The following SLC5A12 variants were observed in gnomAD, a reference collection of about 807,000 sequenced individuals.
SLC5A12 encodes sodium-coupled monocarboxylate transporter 2.
In SLC5A12, 46 loss-of-function variants were observed where a neutral mutation model predicts 72.7. The observed-to-expected ratio is 0.63, with a 90% CI of 0.50 to 0.81. The LOEUF (loss-of-function observed/expected upper bound fraction) is 0.81, where lower values mean the gene tolerates loss of function less well. Among genes scored for constraint, SLC5A12 ranks in the 30% least tolerant of loss-of-function variants. The pLI is 0.00. For missense variants in SLC5A12, 683 were observed against 740.7 expected (o/e 0.92, Z 0.90); for synonymous variants, 275 against 264.4 (o/e 1.04, Z -0.39).
chr11:26,699,808 T>A (rs975553323), intron 6 of SLC5A12, among the ~76,000 whole-genome samples: 3 of 152,218 alleles, frequency 2.0e-5, no homozygotes, highest in African/African-American at 7.2e-5. Flanking sequence ...CACTATAGTA[T>A]TTATGATCTG....
intron 14 of SLC5A12, among the ~76,000 whole-genome samples, chr11:26,672,062 A>T (rs4418759): frequency 0.28 from 43,095 of 151,946 alleles, 6,299 homozygotes; most frequent in East Asian, 0.46. Context: ...AATTCTCACA[A>T]CACAGTTTTG....
chr11:26,683,593 G>A (rs936327539), intron 11 of SLC5A12, among the ~76,000 whole-genome samples, 164 bp downstream of exon 11: 1 of 152,156 alleles, frequency 6.6e-6, no homozygotes, highest in Non-Finnish European at 1.5e-5. Context: ...CCAGAAAGAT[G>A]TCACTGAAGT....
At chr11:26,703,379 A>T (rs1421076457) in intron 6 of SLC5A12, 152 bp downstream of exon 6, 1 of 827,086 alleles carries the variant, frequency 1.2e-6, no homozygotes, top group Non-Finnish European at 1.8e-6. Context: ...CAAAAAGTTG[A>T]AAGAGTTAAG....
chr11:26,702,261 G>C (rs553608096), intron 6 of SLC5A12, among the ~76,000 whole-genome samples: 2 of 152,212 alleles, frequency 1.3e-5, no homozygotes, highest in African/African-American at 4.8e-5. Context: ...TTGATGGAAC[G>C]CCAGATAATG....
At chr11:26,673,308 C>G (rs911282033) in intron 14 of SLC5A12, 94 bp downstream of exon 14, 1 of 1,304,128 alleles carries the variant, frequency 7.7e-7, no homozygotes, top group South Asian at 2.2e-5. Flanking sequence ...ACTGCTTTCC[C>G]TTTCCAGTGC....
chr11:26,679,569 G>T (rs780768439), intron 12 of SLC5A12, among the ~76,000 whole-genome samples: 46 of 152,090 alleles, frequency 3.0e-4, no homozygotes, highest in Non-Finnish European at 4.9e-4. Context: ...GGAGACACTA[G>T]TATGGCTCTT....
At chr11:26,703,436 A>ACACT in intron 6 of SLC5A12, 95 bp downstream of exon 6, 1 of 1,329,968 alleles carries the variant, frequency 7.5e-7, no homozygotes. Context: ...ACACACACAC[A>ACACT]CACACACACA....
chr11:26,694,586 T>C (rs774654180), intron 8 of SLC5A12, among the ~76,000 whole-genome samples: 1 of 152,068 alleles, frequency 6.6e-6, no homozygotes, highest in Non-Finnish European at 1.5e-5. Context: ...TGATGCAAAA[T>C]TCTAAAAACA....
intron 3 of SLC5A12, among the ~76,000 whole-genome samples, chr11:26,709,854 A>C (rs1452394630): frequency 1.3e-5 from 2 of 151,928 alleles, no homozygotes; most frequent in Non-Finnish European, 2.9e-5. Flanking sequence ...AGAAACATGA[A>C]CAAAAATTGA....
chr11:26,693,275 A>G (rs1414546980), intron 8 of SLC5A12, among the ~76,000 whole-genome samples: 17 of 152,214 alleles, frequency 1.1e-4, no homozygotes, highest in Admixed American at 1.0e-3. Context: ...ATGTTGTAGG[A>G]TGAAGGAAAA....
At chr11:26,689,347 G>A (rs1028283510) in intron 9 of SLC5A12, among the ~76,000 whole-genome samples, 2 of 151,990 alleles carry the variant, frequency 1.3e-5, no homozygotes, top group African/African-American at 2.4e-5. Context: ...GCAGTGAGTC[G>A]AGATATCGCA....
At chr11:26,713,847 A>T (rs1855287801) in intron 1 of SLC5A12, among the ~76,000 whole-genome samples, 1 of 152,174 alleles carries the variant, frequency 6.6e-6, no homozygotes, top group African/African-American at 2.4e-5. Flanking sequence ...CTCCTACACG[A>T]GGCTTTAAGG....
chr11:26,714,692 G>A (rs1250037444), intron 1 of SLC5A12, among the ~76,000 whole-genome samples: 1 of 151,944 alleles, frequency 6.6e-6, no homozygotes, highest in East Asian at 1.9e-4. Flanking sequence ...ATTAAATCAA[G>A]GATTGACAAT....
intron 5 of SLC5A12, 28 bp from the exon 6 acceptor site, chr11:26,703,699 A>C (rs1289361243): frequency 6.2e-7 from 1 of 1,613,622 alleles, no homozygotes; most frequent in Non-Finnish European, 8.5e-7. Context: ...ATGAGTGAAC[A>C]AAGATATTCC....
chr11:26,667,818 T>C lies in SLC5A12; in HGVS notation c.*3284A>G, dbSNP rs1854034914. 1 of 152,128 alleles carries C rather than the reference T, an allele frequency of 6.6e-6. No individual in the cohort carries two copies. Among genetic ancestry groups the C allele is most frequent in the Non-Finnish European group, 1.5e-5 (1 of 67,950 alleles). 9.4% of individuals were successfully genotyped at this position (152,128 alleles called of 1,614,324 possible). ...AAATTTAGGCATGACTTTTAATGTA[T>C]ACATTCTGTTTTTCTTATTATTTCT... On this transcript the variant is annotated 3_prime_UTR_variant, in exon 15 of 15. Coordinates refer to ENST00000396005, the MANE Select transcript of SLC5A12 (RefSeq NM_178498.4).
chr11:26,717,874 T>C (rs1157818029), intron 1 of SLC5A12, among the ~76,000 whole-genome samples: 1 of 152,134 alleles, frequency 6.6e-6, no homozygotes, highest in African/African-American at 2.4e-5. Context: ...CTGCTGCTCC[T>C]GAAGCTAGAT....
At chr11:26,697,290 GAAGA>G (rs1854843648) in intron 7 of SLC5A12, 38 bp from the exon 8 acceptor site, 1 of 1,547,060 alleles carries the variant, frequency 6.5e-7, no homozygotes, top group African/African-American at 1.4e-5. Flanking sequence ...TAAATAAAAA[GAAGA>G]AAGAAAGAAA....
chr11:26,710,138 A>G (rs1030152337), intron 3 of SLC5A12, among the ~76,000 whole-genome samples: 3 of 151,784 alleles, frequency 2.0e-5, no homozygotes, highest in African/African-American at 4.8e-5. Flanking sequence ...TTTCCTTGTG[A>G]TAGTTTGCTG....
chr11:26,697,264 G>T lies in SLC5A12; in HGVS notation c.952-12C>A. The T allele has an allele frequency of 6.3e-7, 1 of 1,581,374 alleles. No homozygotes were observed. ...AAGTACGGCATCAGCTGAAGAGGAG[G>T]CAAAACATAAAAAAATAAATAAAAA... On this transcript the variant is annotated splice_polypyrimidine_tract_variant and intron_variant, in intron 7 of 14. Coordinates refer to ENST00000396005, the MANE Select transcript of SLC5A12 (RefSeq NM_178498.4).
Sources: allele counts gnomAD v4.1 joint callset (sites outside exome capture counted in the v4.1 genomes callset), GRCh38; gene constraint gnomAD v4.1.1; transcripts MANE v1.5; gene names NCBI Gene and HGNC (gene_info 2026-07-23, HGNC 2026-07-21).